The following TAF1B variants were observed in gnomAD, a reference collection of about 807,000 sequenced individuals.
TAF1B encodes TATA box-binding protein-associated factor RNA polymerase I subunit B.
In TAF1B, 61 loss-of-function variants were observed where a neutral mutation model predicts 83.9. The observed-to-expected ratio is 0.73, with a 90% CI of 0.59 to 0.90. The LOEUF is 0.90. Ranked by LOEUF, TAF1B falls within the 40% of genes least tolerant of loss-of-function variation. The probability of loss-of-function intolerance (pLI) is 0.00; values close to 1 mark genes in which losing one functional copy is unlikely to be tolerated. For synonymous variants in TAF1B, 221 were observed against 224.6 expected, an observed-to-expected ratio of 0.98 and a Z score of 0.14; for missense variants, 625 against 677.0, an observed-to-expected ratio of 0.92 and a Z score of 0.85.
intron 6 of TAF1B, among the ~76,000 whole-genome samples, chr2:9,871,728 A>C (rs560627724): frequency 6.6e-6 from 1 of 152,252 alleles, no homozygotes; most frequent in African/African-American, 2.4e-5. Context: ...TCATCTTTAA[A>C]TCTTTTCCCC....
At chr2:9,903,694 C>T (rs1282104344) in intron 8 of TAF1B, among the ~76,000 whole-genome samples, 2 of 152,140 alleles carry the variant, frequency 1.3e-5, no homozygotes, top group African/African-American at 4.8e-5. Context: ...TAACAGTGAG[C>T]CGCATTTGTT....
At chr2:9,904,671 C>CTT (rs1223088575) in intron 8 of TAF1B, among the ~76,000 whole-genome samples, 188 bp from the exon 9 acceptor site, 1 of 152,206 alleles carries the variant, frequency 6.6e-6, no homozygotes, top group Non-Finnish European at 1.5e-5. Context: ...CTCCAAACTG[C>CTT]TTTCTACAGT....
intron 14 of TAF1B, among the ~76,000 whole-genome samples, chr2:9,922,709 A>G (rs1182097287): frequency 6.6e-6 from 1 of 152,128 alleles, no homozygotes; most frequent in African/African-American, 2.4e-5. Context: ...GAATGTAAGG[A>G]CTACTAGAAT....
intron 8 of TAF1B, among the ~76,000 whole-genome samples, chr2:9,886,098 T>C (rs1338665662): frequency 1.3e-5 from 2 of 148,742 alleles, no homozygotes; most frequent in African/African-American, 4.9e-5. Context: ...TGAGGTAGTA[T>C]ATTCAAAATG....
chr2:9,889,273 C>T (rs1664790489), intron 8 of TAF1B, among the ~76,000 whole-genome samples: 1 of 151,888 alleles, frequency 6.6e-6, no homozygotes, highest in East Asian at 1.9e-4. Context: ...TGAGGCTTTT[C>T]CTTTTTATTT....
intron 14 of TAF1B, among the ~76,000 whole-genome samples, chr2:9,920,299 C>T (rs1057462132): frequency 1.3e-5 from 2 of 152,134 alleles, no homozygotes; most frequent in Non-Finnish European, 2.9e-5. Flanking sequence ...CATTAGACCC[C>T]CAGTGTCCTT....
intron 8 of TAF1B, among the ~76,000 whole-genome samples, chr2:9,896,018 C>T (rs1287305130): frequency 2.0e-5 from 3 of 152,064 alleles, no homozygotes; most frequent in South Asian, 2.1e-4. Context: ...CCAAGCACTC[C>T]GTTTTTAATG....
chr2:9,889,814 C>T (rs1331481103), intron 8 of TAF1B, among the ~76,000 whole-genome samples: 1 of 152,142 alleles, frequency 6.6e-6, no homozygotes, highest in Non-Finnish European at 1.5e-5. Context: ...TTTAGCCTCA[C>T]TACTAAGGCG....
chr2:9,843,624 G>T, intron 1 of TAF1B, 65 bp downstream of exon 1: 1 of 1,424,504 alleles, frequency 7.0e-7, no homozygotes, highest in Non-Finnish European at 9.2e-7. Flanking sequence ...AGCTGAGGAG[G>T]AGCGGCGGAG....
At chr2:9,900,652 T>A (rs1042923040) in intron 8 of TAF1B, among the ~76,000 whole-genome samples, 2 of 152,156 alleles carry the variant, frequency 1.3e-5, no homozygotes, top group African/African-American at 4.8e-5. Flanking sequence ...GTAGAGTTGT[T>A]AAAGTGATGA....
intron 14 of TAF1B, among the ~76,000 whole-genome samples, chr2:9,933,064 C>T (rs1666266142): frequency 6.6e-6 from 1 of 152,188 alleles, no homozygotes; most frequent in Non-Finnish European, 1.5e-5. Context: ...CCCGATTTTC[C>T]AGGTACAGTC....
In TAF1B at chr2:9,933,881, C is replaced by T. The variant is rs775631879; in HGVS notation, c.1664C>T (p.Ser555Phe). 6.2e-7 allele frequency: 1 copy of T among 1,613,672 alleles called. No homozygotes were observed. Among genetic ancestry groups the T allele is most frequent in the Middle Eastern group, 1.7e-4 (1 of 6,052 alleles). ...LFSFLLRIKT[S>F]LLHEEVSLVE... ...TCCTTCCTGCTCAGAATAAAGACTT[C>T]CCTTCTCCATGAAGAAGTGAGCTTA... The change falls in exon 15 of 15, where the codon TCC becomes TTC. Residue 555 changes from serine to phenylalanine, a missense_variant. Transcript: ENST00000263663.
chr2:9,886,570 A>T (rs770676940), intron 8 of TAF1B, among the ~76,000 whole-genome samples: 1 of 152,170 alleles, frequency 6.6e-6, no homozygotes, highest in Non-Finnish European at 1.5e-5. Flanking sequence ...TCACATAGAC[A>T]CTCAAATTTC....
rs371475463 is a variant in TAF1B at position 9,916,837 on chromosome 2, C to CTTTTTTTTTTTTTT, written c.1272-2199_1272-2186dup. On this transcript the variant is annotated intron_variant, in intron 12 of 14. Coordinates refer to ENST00000263663, the MANE Select transcript of TAF1B (RefSeq NM_005680.3). ...TGATTAGAAAAATTTCCTTTCTGTT[C>CTTTTTTTTTTTTTT]TTTTTTTTTTTTTTTTTTGAGATGG... is the stretch of plus-strand genomic sequence containing the variant. 2.0e-3 allele frequency among the ~76,000 whole-genome samples: 189 copies of CTTTTTTTTTTTTTT among 95,684 alleles called. 14 individuals carry two copies. Among genetic ancestry groups the CTTTTTTTTTTTTTT allele is most frequent in the East Asian group, 3.1e-3 (11 of 3,554 alleles). 62.8% of individuals were successfully genotyped at this position (95,684 alleles called of 152,430 possible).
At chr2:9,918,773 CTA>C (rs1665778454) in intron 12 of TAF1B, among the ~76,000 whole-genome samples, 2 of 152,202 alleles carry the variant, frequency 1.3e-5, no homozygotes, top group Non-Finnish European at 2.9e-5. Context: ...GAAACAGTTT[CTA>C]TGTTTTTTGT....
chr2:9,879,620 A>T lies in TAF1B; in HGVS notation c.708-3086A>T, dbSNP rs1208123978. 3.9e-5 allele frequency among the ~76,000 whole-genome samples: 6 copies of T among 152,300 alleles called. No individual in the cohort carries two copies. The East Asian group carries it at 1.2e-3, about 29-fold the overall frequency. ...AGGAGGTTGCTAGTGCCAAGCCCTAAAGCAAGAGCTGTGTGATGAAGGAGC... is the reference window on the plus strand; with the variant it reads ...AGGAGGTTGCTAGTGCCAAGCCCTATAGCAAGAGCTGTGTGATGAAGGAGC... On this transcript the variant is annotated intron_variant, in intron 7 of 14. Coordinates refer to ENST00000263663, the MANE Select transcript of TAF1B (RefSeq NM_005680.3).
chr2:9,857,243 C>T (rs775690545), intron 5 of TAF1B, among the ~76,000 whole-genome samples: 4 of 152,204 alleles, frequency 2.6e-5, no homozygotes, highest in Non-Finnish European at 5.9e-5. Flanking sequence ...TTAAGAAGTC[C>T]GTAGATGCTT....
chr2:9,850,901 T>C (rs1663367530), intron 3 of TAF1B, among the ~76,000 whole-genome samples: 1 of 152,210 alleles, frequency 6.6e-6, no homozygotes, highest in East Asian at 1.9e-4. Context: ...GAGATCAGTA[T>C]TAGTACCTTG....
chr2:9,873,609 C>T (rs1459436225), intron 6 of TAF1B, among the ~76,000 whole-genome samples: 1 of 147,554 alleles, frequency 6.8e-6, no homozygotes, highest in East Asian at 2.0e-4. Context: ...TGATTTCGCT[C>T]ATCAAACTGG....
Sources: allele counts gnomAD v4.1 joint callset (sites outside exome capture counted in the v4.1 genomes callset), GRCh38; gene constraint gnomAD v4.1.1; transcripts MANE v1.5; gene names NCBI Gene and HGNC (gene_info 2026-07-23, HGNC 2026-07-21).